TRPM3: variants seen among roughly 807,000 people sequenced by gnomAD.
The protein encoded by TRPM3 is transient receptor potential cation channel subfamily M member 3.
A neutral mutation model predicts 181.2 loss-of-function variants in TRPM3; 77 were observed. That is an observed-to-expected ratio of 0.42 (90% CI 0.35 to 0.51). The LOEUF is 0.51. Ranked by LOEUF, TRPM3 falls within the 20% of genes least tolerant of loss-of-function variation. The pLI is 0.01. For missense variants in TRPM3, 1,759 were observed against 2,196.7 expected (o/e 0.80, Z 3.98); for synonymous variants, 745 against 796.4 (o/e 0.94, Z 1.09).
At chr9:70,916,856 C>T (rs2096600625) in intron 1 of TRPM3, 2 of 569,392 alleles carry the variant, frequency 3.5e-6, no homozygotes, top group East Asian at 2.9e-5. Context: ...ACTGAACTGG[C>T]AATCATAAAT....
At chr9:71,187,946 G>A (rs1041274878) in intron 1 of TRPM3, among the ~76,000 whole-genome samples, 1 of 51,344 alleles carries the variant, frequency 1.9e-5, no homozygotes, top group African/African-American at 6.1e-5. Context: ...TAGATAGATA[G>A]ATAGATCATC....
chr9:71,369,668 C>T (rs772984891), intron 1 of TRPM3, among the ~76,000 whole-genome samples: 1 of 152,330 alleles, frequency 6.6e-6, no homozygotes, highest in Middle Eastern at 3.4e-3. Context: ...AAGCGTGAGA[C>T]ACCGCGCCCG....
At chr9:70,621,902 T>C in intron 14 of TRPM3, among the ~76,000 whole-genome samples, 1 of 152,192 alleles carries the variant, frequency 6.6e-6, no homozygotes, top group Admixed American at 6.5e-5. Flanking sequence ...TGAACCAAGA[T>C]TTCTTTCACC....
intron 7 of TRPM3, chr9:70,774,240 C>A: frequency 6.5e-6 from 1 of 153,984 alleles, no homozygotes; most frequent in South Asian, 1.8e-4. Context: ...ACCAACCCCT[C>A]CTCTTCTTCC....
intron 4 of TRPM3, among the ~76,000 whole-genome samples, chr9:70,845,524 G>A (rs1261138274): frequency 6.6e-6 from 1 of 152,146 alleles, no homozygotes; most frequent in African/African-American, 2.4e-5. Context: ...ACAGGCATGA[G>A]CCACCATACC....
chr9:71,435,477 AC>A (rs1307169473), intron 1 of TRPM3, among the ~76,000 whole-genome samples: 2 of 152,218 alleles, frequency 1.3e-5, no homozygotes, highest in African/African-American at 4.8e-5. Flanking sequence ...TTCCTCTTCT[AC>A]TGCCAGCACT....
At chr9:70,688,859 G>A (rs376821763) in intron 8 of TRPM3, among the ~76,000 whole-genome samples, 95 of 152,186 alleles carry the variant, frequency 6.2e-4, no homozygotes, top group Non-Finnish European at 1.1e-3. Context: ...TAAGCTTAAG[G>A]CATTCCAGGA....
chr9:71,007,129 A>G (rs1327722892), intron 1 of TRPM3, among the ~76,000 whole-genome samples: 1 of 150,884 alleles, frequency 6.6e-6, no homozygotes, highest in African/African-American at 2.4e-5. Flanking sequence ...GCCATTATAT[A>G]ATGACAAAGG....
At chr9:71,277,551 T>TA (rs1176612355) in intron 1 of TRPM3, among the ~76,000 whole-genome samples, 21 of 151,812 alleles carry the variant, frequency 1.4e-4, no homozygotes, top group Non-Finnish European at 2.6e-4. Flanking sequence ...TTAACTGATT[T>TA]AAAAAAAAGA....
intron 1 of TRPM3, among the ~76,000 whole-genome samples, chr9:71,167,309 C>T (rs947498974): frequency 2.0e-5 from 3 of 152,130 alleles, no homozygotes; most frequent in African/African-American, 7.2e-5. Context: ...CTCAAGACCA[C>T]TAGGTATGAA....
rs1036752298 is a variant in TRPM3 at position 70,591,145 on chromosome 9, C to T, written c.3109G>A (p.Ala1037Thr). ...TTGGGAAAAAGGATGGCTTGCCTGG[C>T]GACCCCAAAGCTCATCAGAACCACC... ...MLVVLMSFGV[A>T]RQAILFPNEE... The change falls in exon 22 of 26, where the codon GCC (alanine) becomes ACC (threonine). Residue 1037 changes from alanine to threonine, a missense_variant. This residue lies in a region of TRPM3 where 94 missense variants were observed against 221.3 expected (regional missense o/e 0.42). Coordinates refer to ENST00000677713, the MANE Select transcript of TRPM3 (RefSeq NM_001366145.2). 1.5e-5 allele frequency: 25 copies of T among 1,613,942 alleles called. No homozygotes were observed. The highest frequency in any genetic ancestry group is 1.2e-4 in the Admixed American group (7 of 59,982).
chr9:70,973,984 G>C (rs1590203519), intron 1 of TRPM3, among the ~76,000 whole-genome samples: 1 of 152,222 alleles, frequency 6.6e-6, no homozygotes, highest in East Asian at 1.9e-4. Flanking sequence ...CCTGCACATA[G>C]TTAATTGTAG....
chr9:70,531,817 G>A lies in TRPM3; in HGVS notation c.*4136C>T, dbSNP rs550641492. ...ACAACTTGCCTACCACAGCTCGCAG[G>A]ACTCATTAGAGGATATACATCAGCT... On this transcript the variant is annotated 3_prime_UTR_variant, in exon 26 of 26. Coordinates refer to ENST00000677713, the MANE Select transcript of TRPM3 (RefSeq NM_001366145.2). The A allele has an allele frequency of 6.6e-6, 1 of 152,044 alleles. No homozygotes were observed. Among genetic ancestry groups the A allele is most frequent in the Non-Finnish European group, 1.5e-5 (1 of 68,020 alleles). The allele number at this position is 152,044 out of a possible 1,614,324, so 9.4% of individuals were successfully genotyped here.
chr9:71,071,034 C>T (rs1309332038), intron 1 of TRPM3, among the ~76,000 whole-genome samples: 1 of 152,198 alleles, frequency 6.6e-6, no homozygotes, highest in Non-Finnish European at 1.5e-5. Flanking sequence ...TGGTGACCTT[C>T]AATCTAGTGG....
In TRPM3 at chr9:71,338,560, G is replaced by A. The variant is rs559116465; in HGVS notation, c.183+108093C>T. On this transcript the variant is annotated intron_variant, in intron 1 of 24. Transcript: ENST00000357533. ...TCAATGTTAAACTACAGGAAAAGAT[G>A]AATGTATGAGTAATGAGAGATGGGG... is the stretch of plus-strand genomic sequence containing the variant. Among the ~76,000 whole-genome samples, 31 of 152,188 alleles carry A rather than the reference G, an allele frequency of 2.0e-4. 1 individual carries two copies. The South Asian group carries it at 5.8e-3, about 28-fold the overall frequency.
At chr9:70,569,412 A>G (rs985601805) in intron 22 of TRPM3, among the ~76,000 whole-genome samples, 1 of 152,226 alleles carries the variant, frequency 6.6e-6, no homozygotes, top group Non-Finnish European at 1.5e-5. Flanking sequence ...TATACAAGCA[A>G]AGAACAAAGC....
intron 1 of TRPM3, among the ~76,000 whole-genome samples, chr9:71,413,458 A>G (rs1365981043): frequency 6.6e-6 from 1 of 152,094 alleles, no homozygotes; most frequent in Non-Finnish European, 1.5e-5. Context: ...TAATGGCAAT[A>G]GGATTTGTAC....
chr9:70,795,657 C>T (rs943610873), intron 6 of TRPM3, among the ~76,000 whole-genome samples: 1 of 152,198 alleles, frequency 6.6e-6, no homozygotes, highest in Non-Finnish European at 1.5e-5. Flanking sequence ...TATTCATCAA[C>T]CAGCTTGTTA....
At chr9:70,607,545 G>T (rs927664247) in intron 19 of TRPM3, among the ~76,000 whole-genome samples, 1 of 152,054 alleles carries the variant, frequency 6.6e-6, no homozygotes, top group Non-Finnish European at 1.5e-5. Context: ...ACCACCCCCC[G>T]CCAAAGAGGC....
Sources: gnomAD v4.1 joint callset for allele counts (sites outside exome capture counted in the v4.1 genomes callset) on GRCh38, gnomAD v4.1.1 for gene constraint, gnomAD v4.1.1 regional missense constraint, MANE v1.5 for transcripts, NCBI Gene and HGNC (gene_info 2026-07-23, HGNC 2026-07-21) for gene names.